RADIL: variants seen among roughly 807,000 people sequenced by gnomAD.
The protein encoded by RADIL is ras-associating and dilute domain-containing protein.
RADIL carries 99 observed loss-of-function variants against 97.6 expected under a neutral mutation model. The ratio of observed to expected loss-of-function variants is 1.01; its 90% CI spans 0.86 to 1.20. The LOEUF is 1.20. RADIL is among the 50% of genes most tolerant of loss of function. The probability of loss-of-function intolerance (pLI) is 0.00; values close to 1 mark genes in which losing one functional copy is unlikely to be tolerated. For missense variants in RADIL, 1,765 were observed against 1,498.9 expected, an observed-to-expected ratio of 1.18 and a Z score of -2.93; for synonymous variants, 803 against 691.8, an observed-to-expected ratio of 1.16 and a Z score of -2.52.
At chr7:4,804,063 T>C (rs899589095) in intron 10 of RADIL, 1 of 419,558 alleles carries the variant, frequency 2.4e-6, no homozygotes, top group Non-Finnish European at 4.5e-6. Flanking sequence ...GCCCCACTGG[T>C]CTCTGATGGT....
intron 2 of RADIL, among the ~76,000 whole-genome samples, chr7:4,845,047 A>C (rs941297800): frequency 1.3e-5 from 2 of 151,826 alleles, no homozygotes; most frequent in Non-Finnish European, 2.9e-5. Context: ...CGTAGGAAAA[A>C]AAAAAGGAAG....
rs367575281 is a variant in RADIL, at chr7:4,810,115, A to C, written c.2140-4399T>G. 4.0e-4 allele frequency among the ~76,000 whole-genome samples: 61 copies of C among 151,968 alleles called. No homozygotes were observed. In the East Asian group the frequency reaches 8.2e-3, roughly 20 times the overall value. ...TGATCCACCCACCTCGGCCTCCCAA[A>C]GTGCTGGGATTACAGGCGTCAGCCA... On this transcript the variant is annotated intron_variant, in intron 9 of 14. Coordinates refer to ENST00000399583, the MANE Select transcript of RADIL (RefSeq NM_018059.5).
chr7:4,805,861 G>A, intron 9 of RADIL, 145 bp from the exon 10 acceptor site: 1 of 1,392,964 alleles, frequency 7.2e-7, no homozygotes, highest in African/African-American at 1.4e-5. Flanking sequence ...CTGTGAGGGG[G>A]ACGGTGTCAC....
Position 4,836,326 on chromosome 7 carries a change from C to T in RADIL, c.783+32G>A, listed in dbSNP as rs368008905. 1.5e-5 allele frequency: 23 copies of T among 1,559,760 alleles called. No homozygotes were observed. The African/African-American group carries it at 3.0e-4, about 20-fold the overall frequency. On this transcript the variant is annotated intron_variant, in intron 3 of 14. Coordinates refer to ENST00000399583, the MANE Select transcript of RADIL (RefSeq NM_018059.5). ...CCCGCCTGCTGTCCCTGCAGTGGCA[C>T]CGGGCAGTGGGTGTCAGGAGGGGAG... is the stretch of plus-strand genomic sequence containing the variant.
At chr7:4,809,671 T>C in intron 9 of RADIL, 1 of 941,900 alleles carries the variant, frequency 1.1e-6, no homozygotes, top group Non-Finnish European at 1.3e-6. Context: ...ATTTATTTAT[T>C]TATTTTATTT....
At position 4,872,796 on chromosome 7, in the gene RADIL, G is replaced by A. The variant is rs1000925241; in HGVS notation, c.535+4809C>T. The stretch of plus-strand genomic sequence containing the variant: ...CAGTGAACTAAGTGATGAGTGAACC[G>A]GCAGGAAGCGCCTGGCTGACACCTT... On this transcript the variant is annotated intron_variant, in intron 2 of 14. Coordinates refer to ENST00000399583, the MANE Select transcript of RADIL (RefSeq NM_018059.5). The surrounding 1 kb of genome is among the most constrained non-coding windows in gnomAD (Gnocchi z 5.8). 5.3e-5 allele frequency among the ~76,000 whole-genome samples: 8 copies of A among 152,180 alleles called. No individual in the cohort carries two copies. The highest frequency in any genetic ancestry group is 2.6e-4 in the Admixed American group (4 of 15,282).
At position 4,803,673 on chromosome 7, in the gene RADIL, C is replaced by T. The variant is rs986659242; in HGVS notation, c.2372G>A (p.Cys791Tyr). The change falls in exon 11 of 15, where the codon TGC becomes TAC. Residue 791 changes from cysteine (C) to tyrosine (Y), a missense_variant. Coordinates refer to ENST00000399583, the MANE Select transcript of RADIL (RefSeq NM_018059.5). ...DGFQVDLEAN[C>Y]LDDSIYQHLL... ...GTGCTGGTAGATGCTGTCGTCCAGG[C>T]AGTTGGCTTCCAAGTCCACCTGGAA... is the stretch of plus-strand genomic sequence containing the variant. 4 of 1,555,414 alleles carry T rather than the reference C, an allele frequency of 2.6e-6. No individual in the cohort carries two copies. The African/African-American group carries it at 5.5e-5, about 21-fold the overall frequency.
At position 4,815,739 on chromosome 7, in the gene RADIL, A is replaced by G. The variant is rs1782660652; in HGVS notation, c.1967-289T>C. ...GGGACCCTCTCCCACTCCCAGACAC[A>G]TGTGCCGGGGGCCTGCCCCCACCTG... On this transcript the variant is annotated intron_variant, in intron 8 of 14. Transcript: ENST00000399583. This position sits in a 1 kb window ranked among gnomAD's most constrained non-coding sequence, Gnocchi z 8.0. 6.6e-6 allele frequency among the ~76,000 whole-genome samples: 1 copy of G among 151,902 alleles called. No individual in the cohort carries two copies. Among genetic ancestry groups the G allele is most frequent in the African/African-American group, 2.4e-5 (1 of 41,382 alleles).
In RADIL at chr7:4,883,057, G is replaced by A. The variant is rs987678907; in HGVS notation, c.-65+539C>T. ...CTGGAAATGGTACATAAATAGCCGG[G>A]AAACAATGCTTTGAGCTGGCGCACG... On this transcript the variant is annotated intron_variant, in intron 1 of 14. Transcript: ENST00000399583. The surrounding 1 kb of genome is among the most constrained non-coding windows in gnomAD (Gnocchi z 7.1). 2.6e-5 allele frequency among the ~76,000 whole-genome samples: 4 copies of A among 152,218 alleles called. No homozygotes were observed. Among genetic ancestry groups the A allele is most frequent in the Non-Finnish European group, 5.9e-5 (4 of 68,024 alleles).
At chr7:4,799,907 T>A (rs1782022172) in intron 13 of RADIL, 138 bp from the exon 14 acceptor site, 2 of 1,314,152 alleles carry the variant, frequency 1.5e-6, no homozygotes, top group Non-Finnish European at 2.0e-6. Flanking sequence ...CACGCGTCCC[T>A]CCAGAAAAGC....
chr7:4,836,103 C>T (rs913626364), intron 3 of RADIL, among the ~76,000 whole-genome samples: 9 of 152,232 alleles, frequency 5.9e-5, no homozygotes, highest in Non-Finnish European at 8.8e-5. Flanking sequence ...GCGCCTGGTG[C>T]TGAGGGCACC....
At chr7:4,861,857 T>TTCACGTCCCCCACCACCGCGACA in intron 2 of RADIL, 1 of 1,324,912 alleles carries the variant, frequency 7.5e-7, no homozygotes, top group Non-Finnish European at 9.9e-7. Context: ...CACCGCGACC[T>TTCACGTCCCCCACCACCGCGACA]TCGCGGCCGC....
chr7:4,813,712 G>A lies in RADIL; in HGVS notation c.2139+1566C>T, dbSNP rs189686395. ...CTCTCTCCTCATCCTTCAGGAGCTC[G>A]CTCACGCCTTTCAACAGATGACTTT... On this transcript the variant is annotated intron_variant, in intron 9 of 14. Coordinates refer to ENST00000399583, the MANE Select transcript of RADIL (RefSeq NM_018059.5). The surrounding 1 kb of genome is among the most constrained non-coding windows in gnomAD (Gnocchi z 5.0). 1.2e-4 allele frequency among the ~76,000 whole-genome samples: 18 copies of A among 152,352 alleles called. No individual in the cohort carries two copies. Among genetic ancestry groups the A allele is most frequent in the Admixed American group, 5.2e-4 (8 of 15,308 alleles).
intron 2 of RADIL, chr7:4,860,782 T>C (rs1783969120): frequency 6.2e-7 from 1 of 1,614,088 alleles, no homozygotes; most frequent in Non-Finnish European, 8.5e-7. Context: ...CAAGCCCCTG[T>C]TTAAACTCCT....
chr7:4,807,353 TTC>T (rs1277342627), intron 9 of RADIL, among the ~76,000 whole-genome samples: 1 of 151,914 alleles, frequency 6.6e-6, no homozygotes, highest in African/African-American at 2.4e-5. Flanking sequence ...CCGGGGGTGG[TTC>T]TGTTTGATTG....
rs1003522287 is a variant in RADIL, at chr7:4,832,695, C to T, written c.1417-517G>A. Among the ~76,000 whole-genome samples the T allele has an allele frequency of 4.1e-5, 6 of 147,136 alleles. 1 individual carries two copies. Among genetic ancestry groups the T allele is most frequent in the Admixed American group, 1.4e-4 (2 of 14,242 alleles). Reference sequence around the variant, plus strand: ...CAGAGGTTGCAGTGAGACGAGATCACGCCACCGCACTACAGCCTGGGTGAC... The same window carrying T: ...CAGAGGTTGCAGTGAGACGAGATCATGCCACCGCACTACAGCCTGGGTGAC... On this transcript the variant is annotated intron_variant, in intron 4 of 14. Transcript: ENST00000399583.
chr7:4,851,788 T>C (rs975249148), intron 2 of RADIL, among the ~76,000 whole-genome samples: 10 of 152,098 alleles, frequency 6.6e-5, no homozygotes, highest in African/African-American at 2.4e-4. Flanking sequence ...AGTTTGAAAA[T>C]GCGCAGCCTT....
At chr7:4,829,837 G>A (rs1399924113) in intron 5 of RADIL, among the ~76,000 whole-genome samples, 2 of 150,298 alleles carry the variant, frequency 1.3e-5, no homozygotes, top group Non-Finnish European at 3.0e-5. Flanking sequence ...GGCCTCCCCA[G>A]TCACGTGGAA....
intron 9 of RADIL, chr7:4,809,210 C>T (rs1481929041): frequency 1.0e-6 from 1 of 985,344 alleles, no homozygotes; most frequent in South Asian, 4.7e-5. Flanking sequence ...ACTGCCGACT[C>T]GGGCCTGCCC....
Sources: allele counts gnomAD v4.1 joint callset (sites outside exome capture counted in the v4.1 genomes callset), GRCh38; gene constraint gnomAD v4.1.1; non-coding constraint Gnocchi (gnomAD v3.1); transcripts MANE v1.5; gene names NCBI Gene and HGNC (gene_info 2026-07-23, HGNC 2026-07-21).